Variants in PACRG observed in about 807,000 individuals in gnomAD.
PACRG encodes parkin coregulated gene protein.
PACRG carries 29 observed loss-of-function variants against 29.7 expected under a neutral mutation model. That is an observed-to-expected ratio of 0.98 (90% CI 0.73 to 1.33). The LOEUF (loss-of-function observed/expected upper bound fraction) is 1.33. Among genes scored for constraint, PACRG ranks in the 40% most tolerant of loss-of-function variants. The probability of loss-of-function intolerance (pLI) is 0.00; values close to 1 mark genes in which losing one functional copy is unlikely to be tolerated. For synonymous variants in PACRG, 116 were observed against 118.7 expected, an observed-to-expected ratio of 0.98 and a Z score of 0.15; for missense variants, 279 against 316.2, an observed-to-expected ratio of 0.88 and a Z score of 0.89.
At chr6:162,941,640 A>G (rs1205826741) in intron 2 of PACRG, among the ~76,000 whole-genome samples, 3 of 152,082 alleles carry the variant, frequency 2.0e-5, no homozygotes, top group Non-Finnish European at 4.4e-5. Context: ...TGATTATTCC[A>G]CACTCTCCCC....
chr6:163,003,834 C>T (rs924432382), intron 2 of PACRG, among the ~76,000 whole-genome samples: 4 of 152,160 alleles, frequency 2.6e-5, no homozygotes, highest in Non-Finnish European at 5.9e-5. Context: ...GATAGCATTG[C>T]ACCCCCATTC....
intron 2 of PACRG, among the ~76,000 whole-genome samples, chr6:162,947,634 AT>A (rs1239797543): frequency 1.3e-5 from 1 of 76,218 alleles, no homozygotes; most frequent in Non-Finnish European, 2.5e-5. Flanking sequence ...ATATATATAT[AT>A]ATATATATAT....
chr6:163,192,592 A>G (rs1452135489), intron 4 of PACRG, among the ~76,000 whole-genome samples: 1 of 152,228 alleles, frequency 6.6e-6, no homozygotes, highest in Non-Finnish European at 1.5e-5. Flanking sequence ...TTAAACATTT[A>G]AACTTTGGTA....
At chr6:162,876,377 C>G (rs1460172938) in intron 2 of PACRG, among the ~76,000 whole-genome samples, 1 of 152,180 alleles carries the variant, frequency 6.6e-6, no homozygotes, top group Non-Finnish European at 1.5e-5. Context: ...CAGCAGGATC[C>G]CTGGGAGATC....
chr6:163,187,577 C>T (rs900056618), intron 4 of PACRG: 2 of 152,304 alleles, frequency 1.3e-5, no homozygotes, highest in African/African-American at 4.8e-5. Flanking sequence ...CACACAGAGA[C>T]CCTGCTGGAT....
chr6:163,023,698 G>A (rs1276789826), intron 2 of PACRG, among the ~76,000 whole-genome samples: 1 of 152,192 alleles, frequency 6.6e-6, no homozygotes. Flanking sequence ...CACCAACAGT[G>A]TATAAGTGTT....
intron 2 of PACRG, among the ~76,000 whole-genome samples, chr6:163,028,285 T>G (rs1370099577): frequency 6.6e-6 from 1 of 152,260 alleles, no homozygotes; most frequent in African/African-American, 2.4e-5. Flanking sequence ...TCTTTTTTTC[T>G]GCTTAGAAGC....
chr6:162,858,921 C>G (rs868626299), intron 2 of PACRG, among the ~76,000 whole-genome samples: 9 of 152,290 alleles, frequency 5.9e-5, no homozygotes, highest in Middle Eastern at 6.8e-3. Flanking sequence ...AGTTTCCATG[C>G]CTACTTCAGG....
intron 4 of PACRG, among the ~76,000 whole-genome samples, chr6:163,211,422 A>G (rs1223044446): frequency 6.6e-6 from 1 of 152,162 alleles, no homozygotes; most frequent in Non-Finnish European, 1.5e-5. Flanking sequence ...ATGATGAACA[A>G]ATTTTTTAAA....
At chr6:162,730,986 A>C (rs1181032703) in intron 1 of PACRG, among the ~76,000 whole-genome samples, 2 of 152,174 alleles carry the variant, frequency 1.3e-5, no homozygotes, top group African/African-American at 4.8e-5. Flanking sequence ...GAACAAGCTT[A>C]TCACGAAGCA....
At position 162,939,860 on chromosome 6, in the gene PACRG, C is replaced by T. The variant is rs11964853; in HGVS notation, c.292-122290C>T. Among the ~76,000 whole-genome samples the T allele has an allele frequency of 5.1e-3, 776 of 152,162 alleles. 11 individuals carry two copies. Among genetic ancestry groups the T allele is most frequent in the African/African-American group, 0.018 (742 of 41,500 alleles). On this transcript the variant is annotated intron_variant, in intron 2 of 4. Coordinates refer to ENST00000366888, the MANE Select transcript of PACRG (RefSeq NM_001080379.2). The stretch of plus-strand genomic sequence containing the variant: ...TTGCTAATTTGCAAAATTTATTTAG[C>T]GCCTGCTGTCAGTCTTTTTCTTAAA...
At chr6:162,882,816 C>T (rs564456216) in intron 2 of PACRG, among the ~76,000 whole-genome samples, 20 of 152,210 alleles carry the variant, frequency 1.3e-4, no homozygotes, top group Non-Finnish European at 2.1e-4. Context: ...TGAATTATTT[C>T]CATTGTGCTC....
chr6:162,880,643 C>T (rs1020115179), intron 2 of PACRG, among the ~76,000 whole-genome samples: 3 of 152,168 alleles, frequency 2.0e-5, no homozygotes, highest in African/African-American at 4.8e-5. Context: ...GACTATTAAA[C>T]AAGAATGCTT....
chr6:162,774,024 A>G (rs1257388364), intron 1 of PACRG, among the ~76,000 whole-genome samples: 2 of 152,356 alleles, frequency 1.3e-5, no homozygotes, highest in East Asian at 1.9e-4. Context: ...AATTTTATTC[A>G]TAAAACAATT....
intron 1 of PACRG, among the ~76,000 whole-genome samples, chr6:162,742,161 C>T (rs529068873): frequency 1.2e-4 from 18 of 152,206 alleles, no homozygotes; most frequent in Non-Finnish European, 1.3e-4. Flanking sequence ...TGTCCTCACC[C>T]GAATCTCATC....
chr6:163,138,715 C>A (rs539871839), intron 4 of PACRG, among the ~76,000 whole-genome samples: 2 of 152,216 alleles, frequency 1.3e-5, no homozygotes, highest in Non-Finnish European at 2.9e-5. Context: ...TGGACCTGTA[C>A]CACTCTGTGA....
intron 4 of PACRG, among the ~76,000 whole-genome samples, chr6:163,247,603 G>A (rs551508456): frequency 2.1e-4 from 32 of 152,174 alleles, no homozygotes; most frequent in African/African-American, 7.2e-4. Flanking sequence ...CCAGGAGCAC[G>A]CTCTATTTTT....
chr6:163,053,053 T>C lies in PACRG; in HGVS notation c.292-9097T>C, dbSNP rs78996565. Among the ~76,000 whole-genome samples the C allele has an allele frequency of 5.9e-3, 892 of 152,294 alleles. 4 individuals are homozygous for C. The highest frequency in any genetic ancestry group is 0.015 in the African/African-American group (607 of 41,552). ...TTGTTCTGTGTCCCTCTGAAAGCAA[T>C]TTTCTTTTAATTCTGGATTTCTTAA... On this transcript the variant is annotated intron_variant, in intron 2 of 4. Transcript: ENST00000366888.
At chr6:163,110,976 A>C (rs939673346) in intron 4 of PACRG, among the ~76,000 whole-genome samples, 1 of 152,130 alleles carries the variant, frequency 6.6e-6, no homozygotes, top group African/African-American at 2.4e-5. Flanking sequence ...GTCAAATCCA[A>C]ATATGCTCTT....
Sources: gnomAD v4.1 joint callset for allele counts (sites outside exome capture counted in the v4.1 genomes callset) on GRCh38, gnomAD v4.1.1 for gene constraint, MANE v1.5 for transcripts, NCBI Gene and HGNC (gene_info 2026-07-23, HGNC 2026-07-21) for gene names.